EXT2: variants seen among roughly 807,000 people sequenced by gnomAD.
EXT2 encodes the protein exostosin glycosyltransferase 2.
A neutral mutation model predicts 81.6 loss-of-function variants in EXT2; 53 were observed. That is an observed-to-expected ratio of 0.65 (90% CI 0.52 to 0.82). The LOEUF (loss-of-function observed/expected upper bound fraction) is 0.82. EXT2 is among the 40% of genes least tolerant of loss of function. EXT2 has a pLI of 0.00. For synonymous variants in EXT2, 320 were observed against 340.0 expected (o/e 0.94, Z 0.65); for missense variants, 774 against 910.2 (o/e 0.85, Z 1.93).
At chr11:44,140,136 ACGCTTCAGCAAGT>A (rs1954626227) in intron 7 of EXT2, among the ~76,000 whole-genome samples, 1 of 152,164 alleles carries the variant, frequency 6.6e-6, no homozygotes, top group Non-Finnish European at 1.5e-5. Context: ...TTGTGCTTTC[ACGCTTCAGCAAGT>A]GAGTTGGGCA....
intron 1 of EXT2, among the ~76,000 whole-genome samples, chr11:44,102,534 C>CTTTTTT (rs59752163): frequency 1.9e-5 from 2 of 106,164 alleles, no homozygotes; most frequent in Non-Finnish European, 1.8e-5. Context: ...CTGTCTCTCT[C>CTTTTTT]TTTTTTTTTT....
Position 44,251,900 on chromosome 11 carries a change from G to C in EXT2, c.*7613G>C, listed in dbSNP as rs1956141258. On this transcript the variant is annotated 3_prime_UTR_variant, in exon 14 of 14. Transcript: ENST00000533608. ...GTCAAGCTTACATTCTAATGAGGAAGATAACCAAAACAAGTGACTGAATAT... is the reference window on the plus strand; with the variant it reads ...GTCAAGCTTACATTCTAATGAGGAACATAACCAAAACAAGTGACTGAATAT... Among the ~76,000 whole-genome samples the C allele has an allele frequency of 6.6e-6, 1 of 152,150 alleles. No individual in the cohort carries two copies. The highest frequency in any genetic ancestry group is 2.4e-5 in the African/African-American group (1 of 41,434).
rs369869900 is a variant in EXT2 at position 44,217,683 on chromosome 11, AT to A, written c.1662+10734del. ...GTGTATAGTGTTACTTGAATGTTTG[AT>A]TTTTTTTTTCCAAGTCTGTCTGCTT... On this transcript the variant is annotated intron_variant, in intron 10 of 13. Transcript: ENST00000533608. Among the ~76,000 whole-genome samples, 878 of 150,590 alleles carry A rather than the reference AT, an allele frequency of 5.8e-3. 8 individuals carry two copies. Among genetic ancestry groups the A allele is most frequent in the East Asian group, 0.045 (233 of 5,156 alleles).
chr11:44,176,478 A>T (rs1022876020), intron 8 of EXT2, among the ~76,000 whole-genome samples: 1 of 152,138 alleles, frequency 6.6e-6, no homozygotes, highest in African/African-American at 2.4e-5. Context: ...TATATTTTTA[A>T]CTCTTTCTTA....
At position 44,144,341 on chromosome 11, in the gene EXT2, C is replaced by T. The variant is rs1954686655; in HGVS notation, c.1173+14203C>T. ...CCTAGGGAACAGTGGGATTCACAGGCATGGGTGACTTAGAAAACCGGGCCC... is the reference window on the plus strand; with the variant it reads ...CCTAGGGAACAGTGGGATTCACAGGTATGGGTGACTTAGAAAACCGGGCCC... On this transcript the variant is annotated intron_variant, in intron 7 of 13. Coordinates refer to ENST00000533608, the MANE Select transcript of EXT2 (RefSeq NM_207122.2). 6.9e-6 allele frequency: 11 copies of T among 1,596,666 alleles called. No individual in the cohort carries two copies. The East Asian group carries it at 1.8e-4, about 26-fold the overall frequency.
chr11:44,215,959 C>T (rs1955713757), intron 10 of EXT2, among the ~76,000 whole-genome samples: 1 of 150,950 alleles, frequency 6.6e-6, no homozygotes. Context: ...TCACTGCAAG[C>T]TCCGCTTCCC....
chr11:44,216,209 A>G (rs911701649), intron 10 of EXT2, among the ~76,000 whole-genome samples: 2 of 152,182 alleles, frequency 1.3e-5, no homozygotes, highest in African/African-American at 4.8e-5. Flanking sequence ...GGAAGCCAGC[A>G]ATCCCCCAGC....
chr11:44,136,062 G>A (rs1172105955), intron 7 of EXT2, among the ~76,000 whole-genome samples: 1 of 152,140 alleles, frequency 6.6e-6, no homozygotes, highest in Non-Finnish European at 1.5e-5. Flanking sequence ...AAAGTTTTCT[G>A]TTTAAGATGT....
chr11:44,197,452 G>A (rs932497799), intron 8 of EXT2, among the ~76,000 whole-genome samples: 5 of 151,936 alleles, frequency 3.3e-5, no homozygotes, highest in East Asian at 1.9e-4. Flanking sequence ...CAAAAATATC[G>A]TAATAGGCCC....
At chr11:44,103,189 ATTC>A (rs1954010460) in intron 1 of EXT2, among the ~76,000 whole-genome samples, 1 of 151,946 alleles carries the variant, frequency 6.6e-6, no homozygotes, top group Non-Finnish European at 1.5e-5. Context: ...TGCTTTTAAT[ATTC>A]TTCTTTAACT....
intron 10 of EXT2, among the ~76,000 whole-genome samples, chr11:44,221,090 C>T (rs1955776571): frequency 1.3e-5 from 2 of 152,202 alleles, no homozygotes; most frequent in Admixed American, 1.3e-4. Flanking sequence ...CAATGTAGAA[C>T]TAGCAGCCTC....
At chr11:44,240,848 G>T (rs1956028599) in intron 13 of EXT2, among the ~76,000 whole-genome samples, 1 of 152,170 alleles carries the variant, frequency 6.6e-6, no homozygotes, top group Non-Finnish European at 1.5e-5. Flanking sequence ...TACAACTGTA[G>T]AATACATCCT....
chr11:44,119,901 G>T (rs1954292035), intron 4 of EXT2, among the ~76,000 whole-genome samples: 2 of 152,330 alleles, frequency 1.3e-5, no homozygotes, highest in South Asian at 4.1e-4. Context: ...CTCAGCTGCT[G>T]TGGGCCTCTG....
At chr11:44,190,932 G>A (rs1008094267) in intron 8 of EXT2, among the ~76,000 whole-genome samples, 1 of 152,214 alleles carries the variant, frequency 6.6e-6, no homozygotes, top group Non-Finnish European at 1.5e-5. Context: ...GTTTGGGAAT[G>A]CCAAAGGCAC....
At chr11:44,122,597 T>C (rs1954334310) in intron 4 of EXT2, among the ~76,000 whole-genome samples, 1 of 152,214 alleles carries the variant, frequency 6.6e-6, no homozygotes, top group African/African-American at 2.4e-5. Context: ...ATATTGAACA[T>C]ATTGCTCAAT....
intron 1 of EXT2, among the ~76,000 whole-genome samples, chr11:44,102,793 TA>T (rs746367444): frequency 2.0e-5 from 3 of 152,196 alleles, no homozygotes; most frequent in Non-Finnish European, 4.4e-5. Context: ...CCATGACCAT[TA>T]AGGAGACTAA....
At chr11:44,108,303 G>T in intron 2 of EXT2, 55 bp downstream of exon 2, 1 of 1,566,166 alleles carries the variant, frequency 6.4e-7, no homozygotes, top group East Asian at 2.3e-5. Flanking sequence ...GGCCCTCAGG[G>T]AACTAAAGGG....
Position 44,124,934 on chromosome 11 carries a change from C to T in EXT2, c.889C>T (p.Arg297Cys), listed in dbSNP as rs146098187. The T allele has an allele frequency of 1.8e-4, 287 of 1,613,774 alleles. 1 individual carries two copies. Among genetic ancestry groups the T allele is most frequent in the Middle Eastern group, 1.6e-3 (9 of 5,792 alleles). ...TNLSEGVLSV[R>C]KRCHKHQVFD... ...CCTCTCAGAGGGTGTCCTTTCTGTC[C>T]GTAAGCGCTGCCACAAGCACCAGGT... The change falls in exon 5 of 14, where the codon CGT becomes TGT. Residue 297 changes from arginine to cysteine, a missense_variant. Transcript: ENST00000533608.
At chr11:44,221,682 T>C (rs1305278169) in intron 10 of EXT2, among the ~76,000 whole-genome samples, 3 of 152,178 alleles carry the variant, frequency 2.0e-5, no homozygotes, top group Admixed American at 2.0e-4. Flanking sequence ...GTGGGCAGGA[T>C]TGGGCCCAGG....
Sources: gnomAD v4.1 joint callset for allele counts (sites outside exome capture counted in the v4.1 genomes callset) on GRCh38, gnomAD v4.1.1 for gene constraint, MANE v1.5 for transcripts, NCBI Gene and HGNC (gene_info 2026-07-23, HGNC 2026-07-21) for gene names.